CAMKK2: variants seen among roughly 807,000 people sequenced by gnomAD.
CAMKK2 encodes calcium/calmodulin dependent protein kinase kinase 2.
CAMKK2 carries 30 observed loss-of-function variants against 67.2 expected under a neutral mutation model. The ratio of observed to expected loss-of-function variants is 0.45; its 90% CI spans 0.33 to 0.61. The LOEUF is 0.61. CAMKK2 is among the 20% of genes least tolerant of loss of function. The pLI is 0.02. For synonymous variants in CAMKK2, 322 were observed against 326.2 expected, an observed-to-expected ratio of 0.99 and a Z score of 0.14; for missense variants, 643 against 802.0, an observed-to-expected ratio of 0.80 and a Z score of 2.39.
intron 6 of CAMKK2, among the ~76,000 whole-genome samples, chr12:121,261,404 G>A (rs184592313): frequency 8.5e-5 from 13 of 152,276 alleles, no homozygotes; most frequent in East Asian, 1.9e-4. Flanking sequence ...TAGTGTGACC[G>A]GTGGTGATGG....
rs745814950 is a variant in CAMKK2, at chr12:121,269,517, C to A, written c.573+11G>T. Reference sequence around the variant, plus strand: ...AAGGATGGGGGCAGGGAGGAGAATGCGGATACTCACATAGTAGGTATTGTC... The same window carrying A: ...AAGGATGGGGGCAGGGAGGAGAATGAGGATACTCACATAGTAGGTATTGTC... On this transcript the variant is annotated intron_variant, in intron 4 of 16. Transcript: ENST00000404169. The A allele has an allele frequency of 1.3e-6, 2 of 1,592,044 alleles. No individual in the cohort carries two copies. Among genetic ancestry groups the A allele is most frequent in the Admixed American group, 1.7e-5 (1 of 58,260 alleles).
Position 121,253,060 on chromosome 12 carries a change from G to A in CAMKK2, c.1107+213C>T, listed in dbSNP as rs974543327. 6.6e-6 allele frequency among the ~76,000 whole-genome samples: 1 copy of A among 152,232 alleles called. No individual in the cohort carries two copies. Among genetic ancestry groups the A allele is most frequent in the Non-Finnish European group, 1.5e-5 (1 of 68,044 alleles). On this transcript the variant is annotated intron_variant, in intron 10 of 16. Coordinates refer to ENST00000404169, the MANE Select transcript of CAMKK2 (RefSeq NM_001270485.2). This position sits in a 1 kb window ranked among gnomAD's most constrained non-coding sequence, Gnocchi z 5.0. The stretch of plus-strand genomic sequence containing the variant: ...TGGTCCCTGGGTGCCTGACCCACCT[G>A]TGGAGGAAACCAAATAAGAAAAACA...
At chr12:121,270,776 C>G (rs774235830) in intron 3 of CAMKK2, 122 bp downstream of exon 3, 23 of 698,378 alleles carry the variant, frequency 3.3e-5, no homozygotes, top group Admixed American at 1.5e-4. Flanking sequence ...ATGACAAAAC[C>G]CTCTCCACCA....
Position 121,255,627 on chromosome 12 carries a change from T to C in CAMKK2, c.830A>G (p.Glu277Gly). 1.2e-6 allele frequency: 2 copies of C among 1,612,560 alleles called. No homozygotes were observed. Among genetic ancestry groups the C allele is most frequent in the Non-Finnish European group, 1.7e-6 (2 of 1,179,550 alleles). Residue 277 changes from glutamate to glycine, a missense_variant, in exon 9 of 17, where the codon GAA becomes GGA. Glu to Gly is a moderately conservative substitution (Grantham distance 98, BLOSUM62 -2). Coordinates refer to ENST00000404169, the MANE Select transcript of CAMKK2 (RefSeq NM_001270485.2). Reference sequence around the variant, plus strand: ...AGAGAGTGGTTTGAGGGTGGGCACTTCCATCACGGGCCTGAAAGGTCGACA... The same window carrying C: ...AGAGAGTGGTTTGAGGGTGGGCACTCCCATCACGGGCCTGAAAGGTCGACA... ...FELVNQGPVM[E>G]VPTLKPLSED...
intron 1 of CAMKK2, among the ~76,000 whole-genome samples, chr12:121,275,019 G>A (rs1896546468): frequency 6.6e-6 from 1 of 151,884 alleles, no homozygotes; most frequent in Non-Finnish European, 1.5e-5. Flanking sequence ...CCCCCAAATA[G>A]AGCACACATA....
In CAMKK2 at chr12:121,240,501, G is replaced by A. The variant is rs1021674898; in HGVS notation, c.*198C>T. 23 of 1,535,044 alleles carry A rather than the reference G, an allele frequency of 1.5e-5. No homozygotes were observed. The highest frequency in any genetic ancestry group is 5.5e-5 in the African/African-American group (4 of 72,730). Reference sequence around the variant, plus strand: ...GCCTGTCCAGCCAGCCAGCGGCCACGGTCGACGTCATGGAGTCAAGTCCTT... The same window carrying A: ...GCCTGTCCAGCCAGCCAGCGGCCACAGTCGACGTCATGGAGTCAAGTCCTT... On this transcript the variant is annotated 3_prime_UTR_variant, in exon 17 of 17. Coordinates refer to ENST00000404169, the MANE Select transcript of CAMKK2 (RefSeq NM_001270485.2). The surrounding 1 kb of genome is among the most constrained non-coding windows in gnomAD (Gnocchi z 4.4).
chr12:121,273,120 AC>A (rs1896085586), intron 2 of CAMKK2, among the ~76,000 whole-genome samples: 1 of 152,152 alleles, frequency 6.6e-6, no homozygotes, highest in Admixed American at 6.5e-5. Context: ...ATGCTGATTA[AC>A]GTTATGAAGG....
chr12:121,252,730 C>T lies in CAMKK2; in HGVS notation c.1108-16G>A. 1 of 1,613,970 alleles carries T rather than the reference C, an allele frequency of 6.2e-7. No individual in the cohort carries two copies. The highest frequency in any genetic ancestry group is 8.5e-7 in the Non-Finnish European group (1 of 1,179,844). On this transcript the variant is annotated splice_polypyrimidine_tract_variant and intron_variant, in intron 10 of 16. Coordinates refer to ENST00000404169, the MANE Select transcript of CAMKK2 (RefSeq NM_001270485.2). Reference sequence around the variant, plus strand: ...CATCCAAGGCCTGCAAGAAAAAGAGCTTAGTGTGAGGGCATAAGGGGTGGT... The same window carrying T: ...CATCCAAGGCCTGCAAGAAAAAGAGTTTAGTGTGAGGGCATAAGGGGTGGT...
chr12:121,268,689 C>A lies in CAMKK2; in HGVS notation c.574G>T (p.Ala192Ser). ...TTCTTTTTGGACAGCACCTTCATTG[C>A]CTGCAGGAAAATGAAGGACAGCACC... The part of the protein sequence containing the change: ...AYNENDNTYY[A>S]MKVLSKKKLI... Residue 192 changes from alanine (A) to serine (S), a missense_variant and splice_region_variant, in exon 5 of 17, where the codon GCA becomes TCA. Ala to Ser is a moderately conservative substitution (Grantham distance 99). Coordinates refer to ENST00000404169, the MANE Select transcript of CAMKK2 (RefSeq NM_001270485.2). 6.2e-7 allele frequency: 1 copy of A among 1,613,860 alleles called. No homozygotes were observed. The highest frequency in any genetic ancestry group is 1.1e-5 in the South Asian group (1 of 91,084).
At chr12:121,244,982 G>C (rs1006680417) in intron 15 of CAMKK2, among the ~76,000 whole-genome samples, 158 bp downstream of exon 15, 7 of 152,226 alleles carry the variant, frequency 4.6e-5, no homozygotes, top group Non-Finnish European at 7.3e-5. Flanking sequence ...GCCCAGGTTG[G>C]GGTGCTGACT....
intron 1 of CAMKK2, among the ~76,000 whole-genome samples, chr12:121,290,597 G>C (rs980774329): frequency 2.6e-5 from 4 of 152,182 alleles, no homozygotes; most frequent in African/African-American, 7.2e-5. Context: ...GGCTGAGGCA[G>C]GAGGATCTCT....
intron 7 of CAMKK2, among the ~76,000 whole-genome samples, chr12:121,258,010 TCGAGTTTTCTA>T (rs1892689174): frequency 6.8e-6 from 1 of 147,024 alleles, no homozygotes; most frequent in Admixed American, 7.0e-5. Context: ...GAAATAGAGA[TCGAGTTTTCTA>T]CTTTTTTTTT....
chr12:121,265,860 G>A (rs1207638431), intron 5 of CAMKK2, among the ~76,000 whole-genome samples: 6 of 150,634 alleles, frequency 4.0e-5, no homozygotes, highest in East Asian at 3.9e-4. Context: ...CTGTGACTCC[G>A]TCTCAAAAAA....
intron 1 of CAMKK2, among the ~76,000 whole-genome samples, chr12:121,288,216 T>C (rs1899164393): frequency 6.6e-6 from 1 of 152,172 alleles, no homozygotes; most frequent in Non-Finnish European, 1.5e-5. Context: ...TTTCAGTTTG[T>C]AATGAACAAG....
chr12:121,296,010 C>T lies in CAMKK2; in HGVS notation c.-60+628G>A, dbSNP rs1901089027. On this transcript the variant is annotated intron_variant, in intron 1 of 16. Transcript: ENST00000404169. The surrounding 1 kb of genome is among the most constrained non-coding windows in gnomAD (Gnocchi z 7.1). ...CTCCGCATTCACAGCATACTGCAAC[C>T]CCGAGGTGAATTTAGGTCAGAAGGA... Among the ~76,000 whole-genome samples, 1 of 152,176 alleles carries T rather than the reference C, an allele frequency of 6.6e-6. No homozygotes were observed. The highest frequency in any genetic ancestry group is 2.1e-4 in the South Asian group (1 of 4,826).
At chr12:121,255,073 GTCAGACTCCACGT>G (rs1555250568) in intron 9 of CAMKK2, among the ~76,000 whole-genome samples, 1 of 147,490 alleles carries the variant, frequency 6.8e-6, no homozygotes, top group Non-Finnish European at 1.5e-5. Context: ...GCCCTCAAAC[GTCAGACTCCACGT>G]TCTTTAGTTT....
At chr12:121,286,068 G>A (rs980567361) in intron 1 of CAMKK2, among the ~76,000 whole-genome samples, 5 of 152,152 alleles carry the variant, frequency 3.3e-5, no homozygotes, top group African/African-American at 1.2e-4. Context: ...TGAAGCTCAT[G>A]TACCTCAATT....
At chr12:121,266,220 G>A (rs539289442) in intron 5 of CAMKK2, among the ~76,000 whole-genome samples, 110 of 152,228 alleles carry the variant, frequency 7.2e-4, no homozygotes, top group African/African-American at 2.5e-3. Context: ...CACCGCTCCC[G>A]GCCTGAGATG....
At position 121,296,623 on chromosome 12, in the gene CAMKK2, C is replaced by A. The variant is rs1230559235; in HGVS notation, c.-60+15G>T. On this transcript the variant is annotated intron_variant, in intron 1 of 16. Transcript: ENST00000404169. This position sits in a 1 kb window ranked among gnomAD's most constrained non-coding sequence, Gnocchi z 7.1. ...GCTGCGTCCCTTGCCCCGGGCCCGG[C>A]TACCGCCAGCTCACCTGGGCTCCGC... 2 of 151,480 alleles carry A rather than the reference C, an allele frequency of 1.3e-5. No homozygotes were observed. Among genetic ancestry groups the A allele is most frequent in the Non-Finnish European group, 2.9e-5 (2 of 67,858 alleles). 9.4% of individuals were successfully genotyped at this position (151,480 alleles called of 1,614,324 possible).
Sources: gnomAD v4.1 joint callset for allele counts (sites outside exome capture counted in the v4.1 genomes callset) on GRCh38, gnomAD v4.1.1 for gene constraint, Gnocchi (gnomAD v3.1) non-coding constraint, MANE v1.5 for transcripts, NCBI Gene and HGNC (gene_info 2026-07-23, HGNC 2026-07-21) for gene names.